Variants in TTPAL observed in about 807,000 individuals in gnomAD.
The protein encoded by TTPAL is alpha tocopherol transfer protein like.
A neutral mutation model predicts 28.7 loss-of-function variants in TTPAL; 21 were observed. That is an observed-to-expected ratio of 0.73 (90% CI 0.52 to 1.06). The LOEUF is 1.06. Among genes scored for constraint, TTPAL ranks in the 50% least tolerant of loss-of-function variants. The probability of loss-of-function intolerance (pLI) is 0.00; values close to 1 mark genes in which losing one functional copy is unlikely to be tolerated. For missense variants in TTPAL, 345 were observed against 425.5 expected (o/e 0.81, Z 1.67); for synonymous variants, 169 against 171.9 (o/e 0.98, Z 0.13).
At chr20:44,478,245 G>T (rs989562890) in intron 1 of TTPAL, among the ~76,000 whole-genome samples, 1 of 152,376 alleles carries the variant, frequency 6.6e-6, no homozygotes, top group East Asian at 1.9e-4. Context: ...AGCTGGAGAA[G>T]TCAGGAAGAG....
At position 44,490,247 on chromosome 20, in the gene TTPAL, T is replaced by G. The variant is rs538621017; in HGVS notation, c.*706T>G. 9.2e-5 allele frequency: 14 copies of G among 152,474 alleles called. No homozygotes were observed. The highest frequency in any genetic ancestry group is 3.4e-4 in the African/African-American group (14 of 41,562). 9.4% of individuals were successfully genotyped at this position (152,474 alleles called of 1,614,324 possible). A position where few individuals can be genotyped will look rare whatever the true frequency, so the allele number is the denominator to read the frequency against. ...CAAATCCATAAAGCCTTAGCCCTGG[T>G]TCTCAATAGAATCAGGGACCTAGCA... On this transcript the variant is annotated 3_prime_UTR_variant, in exon 5 of 5. Transcript: ENST00000262605.
In TTPAL at chr20:44,490,123, G is replaced by A. The variant is rs1238382177; in HGVS notation, c.*582G>A. ...CTTAACTGAATCATGTAAGCATCAG[G>A]ACATAAGCAGCACTTTGTGGTCAAA... is the stretch of plus-strand genomic sequence containing the variant. On this transcript the variant is annotated 3_prime_UTR_variant, in exon 5 of 5. Transcript: ENST00000262605. 2 of 154,534 alleles carry A rather than the reference G, an allele frequency of 1.3e-5. No individual in the cohort carries two copies. Among genetic ancestry groups the A allele is most frequent in the African/African-American group, 4.8e-5 (2 of 41,454 alleles). 9.6% of individuals were successfully genotyped at this position (154,534 alleles called of 1,614,324 possible).
chr20:44,476,891 CTAGA>C (rs1171340490), intron 1 of TTPAL, among the ~76,000 whole-genome samples: 1 of 152,084 alleles, frequency 6.6e-6, no homozygotes, highest in Non-Finnish European at 1.5e-5. Context: ...GAAACTGACT[CTAGA>C]TAAATGCCCA....
chr20:44,479,399 GTTTTTTTTT>G lies in TTPAL; in HGVS notation c.-15-565_-15-557del, dbSNP rs869123576. ...ATTTTTGCCAATCTGAATCTGAGTTGTTTTTTTTTTTTTTTTTTTTTTTTTTTTTGAGAG... is the reference window on the plus strand; with the variant it reads ...ATTTTTGCCAATCTGAATCTGAGTTGTTTTTTTTTTTTTTTTTTTTGAGAG... On this transcript the variant is annotated intron_variant, in intron 1 of 4. Transcript: ENST00000262605. Among the ~76,000 whole-genome samples the G allele has an allele frequency of 4.9e-5, 4 of 81,562 alleles. No homozygotes were observed. In the South Asian group the frequency reaches 1.3e-3, roughly 27 times the overall value. The allele number at this position is 81,562 out of a possible 152,430, so 53.5% of individuals were successfully genotyped here. A position where few individuals can be genotyped will look rare whatever the true frequency, so the allele number is the denominator to read the frequency against.
chr20:44,484,906 A>G (rs2064138455), intron 3 of TTPAL, among the ~76,000 whole-genome samples: 2 of 152,286 alleles, frequency 1.3e-5, no homozygotes, highest in South Asian at 4.1e-4. Context: ...TGAGGTCAGG[A>G]GTTTGAGACC....
intron 1 of TTPAL, among the ~76,000 whole-genome samples, chr20:44,479,455 G>C (rs532830005): frequency 2.4e-5 from 3 of 126,242 alleles, no homozygotes; most frequent in African/African-American, 9.0e-5. Context: ...CTGGAGTGCA[G>C]CAGCGCCATC....
intron 2 of TTPAL, among the ~76,000 whole-genome samples, chr20:44,481,054 C>A (rs1037908989): frequency 2.0e-5 from 3 of 152,204 alleles, no homozygotes; most frequent in Admixed American, 2.0e-4. Context: ...GCGGACTGGG[C>A]AGACACCTGG....
intron 1 of TTPAL, among the ~76,000 whole-genome samples, chr20:44,476,202 C>G (rs995091344): frequency 6.6e-6 from 1 of 152,166 alleles, no homozygotes; most frequent in Non-Finnish European, 1.5e-5. Flanking sequence ...GCTTCCTGAC[C>G]TCTCCTTGTT....
At chr20:44,482,498 G>A (rs969158478) in intron 2 of TTPAL, among the ~76,000 whole-genome samples, 18 of 150,056 alleles carry the variant, frequency 1.2e-4, no homozygotes, top group Non-Finnish European at 2.2e-4. Context: ...GCTTGAACCC[G>A]GGAGGCAGAG....
At chr20:44,476,973 C>A (rs2064049749) in intron 1 of TTPAL, among the ~76,000 whole-genome samples, 2 of 152,178 alleles carry the variant, frequency 1.3e-5, no homozygotes, top group African/African-American at 4.8e-5. Flanking sequence ...GAGGGAATCA[C>A]CCTCAGGGAG....
chr20:44,489,273 A>C lies in TTPAL; in HGVS notation c.761A>C (p.His254Pro). The C allele has an allele frequency of 6.2e-7, 1 of 1,612,894 alleles. No individual in the cohort carries two copies. Among genetic ancestry groups the C allele is most frequent in the Middle Eastern group, 1.7e-4 (1 of 6,058 alleles). The change falls in exon 5 of 5, where the codon CAT (histidine) becomes CCT (proline). Residue 254 changes from histidine to proline, a missense_variant. Transcript: ENST00000262605. ...KEKIANRFFL[H>P]GSDLNSLHTN... ...TTCATTCCCTTTTAGTTCTTCCTCC[A>C]TGGGTCTGACTTGAACTCTCTCCAC...
At position 44,492,752 on chromosome 20, in the gene TTPAL, G is replaced by C. The variant is rs1184609551; in HGVS notation, c.*3211G>C. ...AAAACTGTGCCTCTTCCCCTGTTCT[G>C]CCTTCATGGGGGAGAGACTGGATGA... On this transcript the variant is annotated 3_prime_UTR_variant, in exon 5 of 5. Coordinates refer to ENST00000262605, the MANE Select transcript of TTPAL (RefSeq NM_001039199.3). 1 of 152,226 alleles carries C rather than the reference G, an allele frequency of 6.6e-6. No homozygotes were observed. Among genetic ancestry groups the C allele is most frequent in the Non-Finnish European group, 1.5e-5 (1 of 68,016 alleles). The allele number at this position is 152,226 out of a possible 1,614,324, so 9.4% of individuals were successfully genotyped here.
intron 1 of TTPAL, among the ~76,000 whole-genome samples, chr20:44,476,433 C>A (rs567607302): frequency 6.6e-6 from 1 of 152,148 alleles, no homozygotes; most frequent in African/African-American, 2.4e-5. Context: ...GATTAGAAGC[C>A]CAGGGTGGGG....
At chr20:44,476,664 A>C (rs2064046995) in intron 1 of TTPAL, among the ~76,000 whole-genome samples, 1 of 152,210 alleles carries the variant, frequency 6.6e-6, no homozygotes, top group Non-Finnish European at 1.5e-5. Context: ...GCTCTCACCA[A>C]ATAACGTGAA....
intron 4 of TTPAL, among the ~76,000 whole-genome samples, 155 bp from the exon 5 acceptor site, chr20:44,489,108 C>T (rs1348743479): frequency 2.0e-5 from 3 of 152,156 alleles, no homozygotes; most frequent in Non-Finnish European, 2.9e-5. Context: ...TAAGGATACT[C>T]CAGGCTTTCT....
intron 4 of TTPAL, among the ~76,000 whole-genome samples, chr20:44,487,808 A>G (rs1407567398): frequency 6.6e-6 from 1 of 152,118 alleles, no homozygotes; most frequent in Non-Finnish European, 1.5e-5. Flanking sequence ...TCGCTCCGTC[A>G]CCCAGGCTGG....
intron 1 of TTPAL, among the ~76,000 whole-genome samples, chr20:44,477,647 T>C (rs187189883): frequency 1.2e-3 from 178 of 150,686 alleles, no homozygotes; most frequent in African/African-American, 2.2e-3. Flanking sequence ...ATCTATCTAT[T>C]TATTTATTTA....
chr20:44,488,855 G>A (rs899131667), intron 4 of TTPAL, among the ~76,000 whole-genome samples: 2 of 152,188 alleles, frequency 1.3e-5, no homozygotes, highest in African/African-American at 2.4e-5. Flanking sequence ...AGAGTCTGAG[G>A]TGGGAGTGCT....
intron 2 of TTPAL, among the ~76,000 whole-genome samples, chr20:44,482,326 T>C (rs530939381): frequency 2.6e-5 from 4 of 152,020 alleles, no homozygotes; most frequent in Non-Finnish European, 5.9e-5. Context: ...GGCAGGTGGA[T>C]CATGAGGTCA....
Sources: allele counts gnomAD v4.1 joint callset (sites outside exome capture counted in the v4.1 genomes callset), GRCh38; gene constraint gnomAD v4.1.1; transcripts MANE v1.5; gene names NCBI Gene and HGNC (gene_info 2026-07-23, HGNC 2026-07-21).